APBB2: variants seen among roughly 807,000 people sequenced by gnomAD.
The protein encoded by APBB2 is amyloid beta precursor protein binding family B member 2.
APBB2 carries 38 observed loss-of-function variants against 82.5 expected under a neutral mutation model. The observed-to-expected ratio is 0.46, with a 90% CI of 0.36 to 0.60. APBB2 has a LOEUF of 0.60. Among genes scored for constraint, APBB2 ranks in the 20% least tolerant of loss-of-function variants. APBB2 has a pLI of 0.00. For synonymous variants in APBB2, 341 were observed against 368.2 expected (o/e 0.93, Z 0.85); for missense variants, 772 against 972.3 (o/e 0.79, Z 2.74).
chr4:41,115,290 A>G (rs796786226), intron 2 of APBB2, among the ~76,000 whole-genome samples: 6 of 152,290 alleles, frequency 3.9e-5, no homozygotes, highest in African/African-American at 1.4e-4. Flanking sequence ...CTGAAACTGG[A>G]CCCTCTCCTT....
chr4:40,841,107 G>A (rs1755665620), intron 12 of APBB2, among the ~76,000 whole-genome samples: 1 of 152,188 alleles, frequency 6.6e-6, no homozygotes, highest in Non-Finnish European at 1.5e-5. Flanking sequence ...CCCACTCTAT[G>A]CTGTCTCTCC....
chr4:41,045,808 A>G (rs1723184798), intron 4 of APBB2, among the ~76,000 whole-genome samples: 1 of 152,216 alleles, frequency 6.6e-6, no homozygotes, highest in African/African-American at 2.4e-5. Flanking sequence ...TTCATTCATT[A>G]GCATATTCCT....
chr4:41,095,903 T>C (rs1228818394), intron 3 of APBB2, among the ~76,000 whole-genome samples: 4 of 152,226 alleles, frequency 2.6e-5, no homozygotes, highest in Non-Finnish European at 1.5e-5. Flanking sequence ...GTCTCTAGCA[T>C]GGCACATGTG....
At chr4:40,845,037 A>AT (rs1757070745) in intron 12 of APBB2, among the ~76,000 whole-genome samples, 1 of 152,214 alleles carries the variant, frequency 6.6e-6, no homozygotes, top group African/African-American at 2.4e-5. Context: ...AAAACATACC[A>AT]TCAAGATGTA....
intron 8 of APBB2, 23 bp from the exon 9 acceptor site, chr4:40,934,722 T>G: frequency 1.3e-6 from 2 of 1,531,626 alleles, no homozygotes; most frequent in Non-Finnish European, 1.8e-6. Flanking sequence ...AGAACCTTGT[T>G]AATGTACAAT....
chr4:40,950,629 C>T (rs1402851413), intron 6 of APBB2, among the ~76,000 whole-genome samples: 1 of 152,024 alleles, frequency 6.6e-6, no homozygotes, highest in Non-Finnish European at 1.5e-5. Context: ...GGATGGATCA[C>T]GAGGTCAGGG....
At chr4:40,956,269 G>GT (rs1791620972) in intron 6 of APBB2, among the ~76,000 whole-genome samples, 1 of 152,136 alleles carries the variant, frequency 6.6e-6, no homozygotes, top group Non-Finnish European at 1.5e-5. Flanking sequence ...AGGACTCTGG[G>GT]TTTAGATCAT....
At chr4:40,838,735 C>T (rs1169519846) in intron 12 of APBB2, among the ~76,000 whole-genome samples, 1 of 152,204 alleles carries the variant, frequency 6.6e-6, no homozygotes, top group Non-Finnish European at 1.5e-5. Context: ...TCCCAAAGTG[C>T]TGGGATTACA....
chr4:40,986,389 G>A (rs1800430857), intron 6 of APBB2, among the ~76,000 whole-genome samples: 1 of 152,194 alleles, frequency 6.6e-6, no homozygotes, highest in African/African-American at 2.4e-5. Context: ...CTCCAAAACA[G>A]CTTCCCATTC....
intron 12 of APBB2, among the ~76,000 whole-genome samples, chr4:40,854,790 C>CAAAAA (rs80240731): frequency 8.8e-5 from 11 of 124,824 alleles, no homozygotes; most frequent in African/African-American, 2.8e-4. Flanking sequence ...AGTCCATCTC[C>CAAAAA]AAAAAAAAAA....
intron 12 of APBB2, among the ~76,000 whole-genome samples, chr4:40,855,202 G>C (rs1445008757): frequency 1.3e-5 from 2 of 152,022 alleles, no homozygotes; most frequent in African/African-American, 4.8e-5. Context: ...TGCTTCCCAG[G>C]GATGCTCCAG....
intron 6 of APBB2, chr4:40,990,405 T>A (rs2154410365): frequency 6.6e-6 from 1 of 152,262 alleles, no homozygotes; most frequent in East Asian, 1.9e-4. Flanking sequence ...TGAAAAAAAG[T>A]GTTCTTTTTT....
chr4:40,910,523 G>A (rs982718822), intron 10 of APBB2, among the ~76,000 whole-genome samples: 10 of 152,176 alleles, frequency 6.6e-5, no homozygotes, highest in African/African-American at 2.2e-4. Flanking sequence ...ACAGGCATGA[G>A]CCACTGGGCC....
intron 3 of APBB2, among the ~76,000 whole-genome samples, chr4:41,068,045 G>A (rs991407384): frequency 2.6e-5 from 4 of 152,114 alleles, no homozygotes; most frequent in African/African-American, 7.2e-5. Context: ...AAGAAGAGGG[G>A]AGTCCACAAT....
intron 5 of APBB2, among the ~76,000 whole-genome samples, chr4:41,025,591 A>C (rs1046426245): frequency 6.6e-6 from 1 of 152,136 alleles, no homozygotes; most frequent in African/African-American, 2.4e-5. Context: ...AAGACATGGA[A>C]TCAACCTAAA....
chr4:41,141,304 ATGTGTGTGT>A (rs1759066761), intron 2 of APBB2, among the ~76,000 whole-genome samples: 2 of 146,704 alleles, frequency 1.4e-5, no homozygotes, highest in Non-Finnish European at 3.0e-5. Flanking sequence ...GGTCAAAAAT[ATGTGTGTGT>A]CTGTGTGTGT....
At chr4:41,007,791 A>C (rs1193094849) in intron 6 of APBB2, among the ~76,000 whole-genome samples, 3 of 152,200 alleles carry the variant, frequency 2.0e-5, no homozygotes, top group Non-Finnish European at 4.4e-5. Context: ...GCCTTTTACT[A>C]TGTGCCACAT....
intron 12 of APBB2, among the ~76,000 whole-genome samples, chr4:40,863,718 C>A (rs989982163): frequency 6.6e-6 from 1 of 151,512 alleles, no homozygotes; most frequent in African/African-American, 2.4e-5. Flanking sequence ...CATGGTGAAA[C>A]CCTGTTTCTA....
chr4:41,094,508 T>C (rs537673606), intron 3 of APBB2, among the ~76,000 whole-genome samples: 14 of 152,360 alleles, frequency 9.2e-5, no homozygotes, highest in African/African-American at 3.1e-4. Context: ...GCTTTACCTA[T>C]AGAATGAAAA....
Sources: allele counts gnomAD v4.1 joint callset (sites outside exome capture counted in the v4.1 genomes callset), GRCh38; gene constraint gnomAD v4.1.1; transcripts MANE v1.5; gene names NCBI Gene and HGNC (gene_info 2026-07-23, HGNC 2026-07-21).